Variants in ITFG1 observed in about 807,000 individuals in gnomAD.
The protein encoded by ITFG1 is integrin alpha FG-GAP repeat containing 1.
Under a neutral mutation model 81.8 loss-of-function variants are expected in ITFG1, and 34 were observed. The observed-to-expected ratio is 0.42, with a 90% CI of 0.32 to 0.55. The LOEUF is 0.55. ITFG1 is among the 20% of genes least tolerant of loss of function. ITFG1 has a pLI of 0.17. For synonymous variants in ITFG1, 285 were observed against 270.6 expected (o/e 1.05, Z -0.52); for missense variants, 672 against 755.4 (o/e 0.89, Z 1.29).
chr16:47,158,112 G>A (rs1449621920), intron 17 of ITFG1, among the ~76,000 whole-genome samples: 1 of 151,350 alleles, frequency 6.6e-6, no homozygotes. Flanking sequence ...TTCTTTTTTT[G>A]AGACAGGGTC....
At chr16:47,421,355 G>C (rs1335426238) in intron 6 of ITFG1, among the ~76,000 whole-genome samples, 1 of 151,504 alleles carries the variant, frequency 6.6e-6, no homozygotes, top group Non-Finnish European at 1.5e-5. Context: ...CACCAGGCTG[G>C]AGAGCAGTGG....
At chr16:47,386,414 G>T (rs1968462790) in intron 6 of ITFG1, among the ~76,000 whole-genome samples, 1 of 152,174 alleles carries the variant, frequency 6.6e-6, no homozygotes, top group Non-Finnish European at 1.5e-5. Context: ...GTCAAGGACT[G>T]TGGTAACTTC....
chr16:47,256,086 C>T (rs1418448108), intron 12 of ITFG1, among the ~76,000 whole-genome samples: 1 of 152,038 alleles, frequency 6.6e-6, no homozygotes, highest in Non-Finnish European at 1.5e-5. Context: ...GCCTCAGCCT[C>T]CTGAGTAGCT....
At chr16:47,436,765 C>T (rs1969172208) in intron 5 of ITFG1, among the ~76,000 whole-genome samples, 1 of 152,154 alleles carries the variant, frequency 6.6e-6, no homozygotes, top group South Asian at 2.1e-4. Flanking sequence ...TCCATTAGGT[C>T]TTCTTCCTTT....
At chr16:47,161,649 G>T (rs1964807357) in intron 16 of ITFG1, 101 bp downstream of exon 16, 2 of 719,350 alleles carry the variant, frequency 2.8e-6, no homozygotes, top group Non-Finnish European at 4.9e-6. Flanking sequence ...GGGCACTCAT[G>T]GGAACACAGC....
At chr16:47,403,435 G>A (rs1471419972) in intron 6 of ITFG1, among the ~76,000 whole-genome samples, 1 of 151,974 alleles carries the variant, frequency 6.6e-6, no homozygotes, top group African/African-American at 2.4e-5. Context: ...GTTAGGGGGT[G>A]ACGCTTTAGC....
intron 12 of ITFG1, among the ~76,000 whole-genome samples, chr16:47,255,730 A>G (rs1422361966): frequency 6.6e-6 from 1 of 152,190 alleles, no homozygotes; most frequent in African/African-American, 2.4e-5. Flanking sequence ...TCAAAGACAA[A>G]TAAGACAGAG....
At chr16:47,238,545 G>A (rs1019752455) in intron 12 of ITFG1, among the ~76,000 whole-genome samples, 2 of 151,984 alleles carry the variant, frequency 1.3e-5, no homozygotes, top group African/African-American at 4.8e-5. Flanking sequence ...TAAATTTATT[G>A]TATAACCAGC....
At chr16:47,404,480 A>G (rs975242992) in intron 6 of ITFG1, among the ~76,000 whole-genome samples, 2 of 152,216 alleles carry the variant, frequency 1.3e-5, no homozygotes, top group African/African-American at 4.8e-5. Flanking sequence ...AGATATAAAG[A>G]CTAATAAATA....
intron 8 of ITFG1, among the ~76,000 whole-genome samples, chr16:47,350,508 A>T (rs1967935609): frequency 6.6e-6 from 1 of 152,228 alleles, no homozygotes; most frequent in African/African-American, 2.4e-5. Flanking sequence ...CCCAAGACTA[A>T]ACCAGGAAGA....
At chr16:47,370,584 C>A (rs1299001239) in intron 7 of ITFG1, among the ~76,000 whole-genome samples, 1 of 152,252 alleles carries the variant, frequency 6.6e-6, no homozygotes, top group African/African-American at 2.4e-5. Flanking sequence ...CCACTATGCT[C>A]CCGTTGTCCA....
chr16:47,386,916 G>T (rs1033123937), intron 6 of ITFG1, among the ~76,000 whole-genome samples: 2 of 152,226 alleles, frequency 1.3e-5, no homozygotes, highest in African/African-American at 2.4e-5. Flanking sequence ...TCAGCCTCAT[G>T]AAAGAATCAA....
intron 12 of ITFG1, chr16:47,238,258 T>A (rs1216106212): frequency 1.0e-5 from 3 of 288,150 alleles, no homozygotes; most frequent in Admixed American, 5.3e-5. Context: ...ATTATGATTA[T>A]ATCATACCAT....
intron 8 of ITFG1, among the ~76,000 whole-genome samples, chr16:47,333,815 C>CA (rs1399652145): frequency 2.0e-5 from 3 of 152,176 alleles, no homozygotes; most frequent in Non-Finnish European, 4.4e-5. Context: ...AGCAGGAAAA[C>CA]AGTCTTCATC....
chr16:47,303,810 T>G lies in ITFG1; in HGVS notation c.1070+7430A>C, dbSNP rs530413672. Among the ~76,000 whole-genome samples the G allele has an allele frequency of 3.9e-5, 6 of 152,162 alleles. 1 individual carries two copies. The highest frequency in any genetic ancestry group is 1.2e-4 in the African/African-American group (5 of 41,530). ...GGCTAATTTATTTCATTTTATTTTT[T>G]GTAGAGATGGGGTCCCACTATGTTG... On this transcript the variant is annotated intron_variant, in intron 10 of 17. Transcript: ENST00000320640.
chr16:47,182,804 C>CT (rs1965146505), intron 14 of ITFG1, among the ~76,000 whole-genome samples: 1 of 152,194 alleles, frequency 6.6e-6, no homozygotes, highest in African/African-American at 2.4e-5. Flanking sequence ...GTCTACAGCT[C>CT]CCAGCGTGAG....
At chr16:47,457,098 T>C (rs1188857378) in intron 2 of ITFG1, among the ~76,000 whole-genome samples, 1 of 152,022 alleles carries the variant, frequency 6.6e-6, no homozygotes, top group Non-Finnish European at 1.5e-5. Context: ...TCACCTGAGG[T>C]CGGGAGCTCG....
At chr16:47,349,110 C>G (rs1567469555) in intron 8 of ITFG1, among the ~76,000 whole-genome samples, 1 of 152,136 alleles carries the variant, frequency 6.6e-6, no homozygotes, top group Non-Finnish European at 1.5e-5. Context: ...AAAAACATGC[C>G]AAATTGTAAA....
intron 17 of ITFG1, among the ~76,000 whole-genome samples, 156 bp from the exon 18 acceptor site, chr16:47,155,934 T>TTTTTTG (rs1218981881): frequency 2.0e-5 from 3 of 152,206 alleles, no homozygotes; most frequent in Non-Finnish European, 2.9e-5. Flanking sequence ...TTTTTGTAGT[T>TTTTTTG]TATAGTAGCT....
Sources: allele counts gnomAD v4.1 joint callset (sites outside exome capture counted in the v4.1 genomes callset), GRCh38; gene constraint gnomAD v4.1.1; transcripts MANE v1.5; gene names NCBI Gene and HGNC (gene_info 2026-07-23, HGNC 2026-07-21).